USP25: variants seen among roughly 807,000 people sequenced by gnomAD.
The protein encoded by USP25 is ubiquitin specific peptidase 25, also known as ubiquitin carboxyl-terminal hydrolase 25.
In USP25, 85 loss-of-function variants were observed where a neutral mutation model predicts 158.5. That is an observed-to-expected ratio of 0.54 (90% CI 0.45 to 0.64). The LOEUF (loss-of-function observed/expected upper bound fraction) is 0.64. USP25 is among the 30% of genes least tolerant of loss of function. USP25 has a pLI of 0.00. For synonymous variants in USP25, 464 were observed against 460.4 expected (o/e 1.01, Z -0.10); for missense variants, 1,242 against 1,327.3 (o/e 0.94, Z 1.00).
intron 1 of USP25, among the ~76,000 whole-genome samples, chr21:15,737,375 C>T (rs1228348861): frequency 6.6e-6 from 1 of 152,052 alleles, no homozygotes; most frequent in Non-Finnish European, 1.5e-5. Flanking sequence ...ATCAGCTCTT[C>T]CTGCAAATAT....
chr21:15,831,127 A>G (rs1338118994), intron 15 of USP25, among the ~76,000 whole-genome samples: 1 of 152,228 alleles, frequency 6.6e-6, no homozygotes, highest in Admixed American at 6.5e-5. Context: ...CAATTAGGCC[A>G]ATGAGTATGT....
At chr21:15,779,253 A>G (rs750430132) in intron 4 of USP25, among the ~76,000 whole-genome samples, 15 of 152,064 alleles carry the variant, frequency 9.9e-5, no homozygotes, top group Non-Finnish European at 1.8e-4. Context: ...AGCATTTGAG[A>G]AATTATATGA....
At chr21:15,849,190 A>C (rs1391906724) in intron 19 of USP25, among the ~76,000 whole-genome samples, 1 of 152,172 alleles carries the variant, frequency 6.6e-6, no homozygotes, top group East Asian at 1.9e-4. Flanking sequence ...TTAATCATTT[A>C]ACACTATCTT....
chr21:15,848,035 G>A (rs768480510), intron 19 of USP25, among the ~76,000 whole-genome samples: 2 of 152,112 alleles, frequency 1.3e-5, no homozygotes, highest in Non-Finnish European at 2.9e-5. Context: ...AATAGTACCA[G>A]TTTACTTCCA....
rs943565752 is a variant in USP25 at position 15,851,769 on chromosome 21, T to A, written c.2547+1897T>A. 2.7e-4 allele frequency among the ~76,000 whole-genome samples: 41 copies of A among 152,216 alleles called. 1 individual carries two copies. The highest frequency in any genetic ancestry group is 1.8e-3 in the Admixed American group (27 of 15,282). On this transcript the variant is annotated intron_variant, in intron 20 of 25. Transcript: ENST00000400183. ...TCATTCTGCCTTTACCAGTTTTATC[T>A]TCTTGGGACATCTATTCTGGAGCTT...
intron 3 of USP25, among the ~76,000 whole-genome samples, chr21:15,767,265 TA>T (rs1225484312): frequency 1.3e-5 from 2 of 152,036 alleles, no homozygotes; most frequent in Non-Finnish European, 2.9e-5. Flanking sequence ...TCTCTGTCTT[TA>T]CATTTGCTGT....
intron 9 of USP25, among the ~76,000 whole-genome samples, chr21:15,812,590 G>T (rs1338259165): frequency 6.6e-6 from 1 of 151,874 alleles, no homozygotes; most frequent in Non-Finnish European, 1.5e-5. Context: ...GGCGGAGCTT[G>T]CAGTGAGCTG....
chr21:15,744,773 G>T (rs1449364964), intron 1 of USP25: 16 of 152,150 alleles, frequency 1.1e-4, no homozygotes, highest in African/African-American at 3.6e-4. Flanking sequence ...ATTTTTACTA[G>T]AGATGGGGTT....
rs2030670230 is a variant in USP25 at position 15,730,364 on chromosome 21, G to GCCGCCA, written c.-25_-24insACCGCC. On this transcript the variant is annotated 5_prime_UTR_variant, in exon 1 of 26. Coordinates refer to ENST00000400183, the MANE Select transcript of USP25 (RefSeq NM_001283041.3). ...GAGGCGCGAGGAGCCGGGCGCCACC[G>GCCGCCA]CCGCCGCCGCCGCCGCCGCCGCGGG... 1.2e-6 allele frequency: 1 copy of GCCGCCA among 817,240 alleles called. No homozygotes were observed. Among genetic ancestry groups the GCCGCCA allele is most frequent in the Non-Finnish European group, 1.4e-6 (1 of 694,270 alleles). The allele number at this position is 817,240 out of a possible 1,614,324, so 50.6% of individuals were successfully genotyped here. A position where few individuals can be genotyped will look rare whatever the true frequency, so the allele number is the denominator to read the frequency against.
At chr21:15,857,650 C>A (rs1409475705) in intron 20 of USP25, among the ~76,000 whole-genome samples, 1 of 151,900 alleles carries the variant, frequency 6.6e-6, no homozygotes, top group East Asian at 1.9e-4. Context: ...CTGTAATTTG[C>A]AAATTATATT....
intron 1 of USP25, among the ~76,000 whole-genome samples, chr21:15,748,454 GTTTTTTTT>G (rs71331787): frequency 1.3e-5 from 1 of 78,994 alleles, no homozygotes; most frequent in African/African-American, 5.3e-5. Context: ...CTACTTTTTA[GTTTTTTTT>G]TTTTTTTTTT....
At chr21:15,868,965 CTG>C (rs2039770296) in intron 22 of USP25, among the ~76,000 whole-genome samples, 1 of 152,090 alleles carries the variant, frequency 6.6e-6, no homozygotes, top group South Asian at 2.1e-4. Flanking sequence ...AAAATTAAGA[CTG>C]GATGTGGTGG....
chr21:15,770,977 C>G (rs1302032449), intron 3 of USP25, among the ~76,000 whole-genome samples: 1 of 152,140 alleles, frequency 6.6e-6, no homozygotes, highest in Non-Finnish European at 1.5e-5. Flanking sequence ...TCTGCCCTTT[C>G]ACTTGAAAAA....
chr21:15,777,290 A>G (rs918094157), intron 3 of USP25, among the ~76,000 whole-genome samples: 3 of 152,218 alleles, frequency 2.0e-5, no homozygotes, highest in African/African-American at 7.2e-5. Flanking sequence ...TTCAGATTGT[A>G]TAGAAGTATT....
At chr21:15,741,633 T>G (rs2032066609) in intron 1 of USP25, among the ~76,000 whole-genome samples, 1 of 152,164 alleles carries the variant, frequency 6.6e-6, no homozygotes, top group Non-Finnish European at 1.5e-5. Flanking sequence ...AGTTTGAGGA[T>G]GATTTTTTTT....
intron 20 of USP25, 102 bp downstream of exon 20, chr21:15,849,974 T>G (rs2038808215): frequency 1.1e-6 from 1 of 894,618 alleles, no homozygotes; most frequent in East Asian, 2.8e-5. Flanking sequence ...GTATAATTTC[T>G]CTTTTCCTAT....
In USP25 at chr21:15,842,430, C is replaced by A. The variant is rs2038381076; in HGVS notation, c.2227C>A (p.Gln743Lys). 1.2e-6 allele frequency: 2 copies of A among 1,613,592 alleles called. No homozygotes were observed. The highest frequency in any genetic ancestry group is 1.7e-6 in the Non-Finnish European group (2 of 1,179,724). The change falls in exon 18 of 26, where the codon CAG becomes AAG. Residue 743 changes from glutamine (Q) to lysine (K), a missense_variant. By Grantham distance (53) the Gln-to-Lys change is moderately conservative. Around this residue, in one of 3 missense-constraint regions of USP25, gnomAD observed 608 missense variants for 605.2 expected, o/e 1.00. Coordinates refer to ENST00000400183, the MANE Select transcript of USP25 (RefSeq NM_001283041.3). ...AGCAGGAGACCCAGAATATCTAGAGCAGCCATCAAGAAGTGATTTCTCAAA... is the reference window on the plus strand; with the variant it reads ...AGCAGGAGACCCAGAATATCTAGAGAAGCCATCAAGAAGTGATTTCTCAAA... ...QAAGDPEYLEQPSRSDFSKHL... is the reference protein window; with the variant it reads ...QAAGDPEYLEKPSRSDFSKHL...
chr21:15,845,415 A>G (rs1269117094), intron 18 of USP25, among the ~76,000 whole-genome samples: 2 of 152,176 alleles, frequency 1.3e-5, no homozygotes, highest in Non-Finnish European at 2.9e-5. Flanking sequence ...AATTCTTTAC[A>G]TGGAAAATTT....
intron 6 of USP25, among the ~76,000 whole-genome samples, chr21:15,803,203 C>T (rs2036216182): frequency 6.6e-6 from 1 of 151,812 alleles, no homozygotes; most frequent in East Asian, 1.9e-4. Flanking sequence ...TAACAATTCC[C>T]TATAAATTTG....
Sources: gnomAD v4.1 joint callset for allele counts (sites outside exome capture counted in the v4.1 genomes callset) on GRCh38, gnomAD v4.1.1 for gene constraint, gnomAD v4.1.1 regional missense constraint, MANE v1.5 for transcripts, NCBI Gene and HGNC (gene_info 2026-07-23, HGNC 2026-07-21) for gene names.